The following MECOM variants were observed in gnomAD, a reference collection of about 807,000 sequenced individuals.
MECOM encodes the protein MDS1 and EVI1 complex locus.
In MECOM, 13 loss-of-function variants were observed where a neutral mutation model predicts 116.3. The observed-to-expected ratio is 0.11, with a 90% confidence interval of 0.07 to 0.18. MECOM has a LOEUF of 0.18. MECOM is among the 10% of genes least tolerant of loss of function. The probability of loss-of-function intolerance (pLI) is 1.00; values close to 1 mark genes in which losing one functional copy is unlikely to be tolerated. For synonymous variants in MECOM, 528 were observed against 535.2 expected (o/e 0.99, Z 0.19); for missense variants, 1,299 against 1,509.0 (o/e 0.86, Z 2.31).
chr3:169,197,871 G>T (rs909980709), intron 2 of MECOM, among the ~76,000 whole-genome samples: 1 of 151,936 alleles, frequency 6.6e-6, no homozygotes, highest in Admixed American at 6.6e-5. Context: ...ACTGACAGGC[G>T]TTTGATTTAT....
chr3:169,633,392 C>A (rs1250075424), intron 1 of MECOM, among the ~76,000 whole-genome samples: 1 of 152,188 alleles, frequency 6.6e-6, no homozygotes, highest in African/African-American at 2.4e-5. Flanking sequence ...CATACTTACA[C>A]ATCTTAGCAG....
At chr3:169,380,136 A>G (rs1370979533) in intron 2 of MECOM, among the ~76,000 whole-genome samples, 2 of 152,174 alleles carry the variant, frequency 1.3e-5, no homozygotes, top group Non-Finnish European at 2.9e-5. Flanking sequence ...GGCACTGAAT[A>G]TTCATTTCTA....
chr3:169,514,784 C>T (rs1465286590), intron 1 of MECOM, among the ~76,000 whole-genome samples: 1 of 152,120 alleles, frequency 6.6e-6, no homozygotes, highest in Admixed American at 6.5e-5. Context: ...TTCAAGGGTC[C>T]AAATATTGTC....
rs538891895 is a variant in MECOM, at chr3:169,161,565, T to C, written c.376-17733A>G. 9.9e-5 allele frequency among the ~76,000 whole-genome samples: 15 copies of C among 152,284 alleles called. No homozygotes were observed. The South Asian group carries it at 3.1e-3, about 32-fold the overall frequency. Reference sequence around the variant, plus strand: ...TCCTCTCCATGTTCCAGGTACCACGTTGATGGTAAAGAGAGAAGATAAATA... The same window carrying C: ...TCCTCTCCATGTTCCAGGTACCACGCTGATGGTAAAGAGAGAAGATAAATA... On this transcript the variant is annotated intron_variant, in intron 2 of 16. Transcript: ENST00000651503.
chr3:169,574,650 A>T (rs1341968549), intron 1 of MECOM, among the ~76,000 whole-genome samples: 1 of 152,230 alleles, frequency 6.6e-6, no homozygotes, highest in Non-Finnish European at 1.5e-5. Context: ...CCTATTGAAC[A>T]GAGGCAGTAC....
chr3:169,133,960 A>G (rs1377969096), intron 3 of MECOM: 1 of 1,289,364 alleles, frequency 7.8e-7, no homozygotes, highest in East Asian at 5.5e-5. Flanking sequence ...CTTCCTTTCC[A>G]ACAACATGTT....
chr3:169,411,710 A>G (rs988523983), intron 1 of MECOM, among the ~76,000 whole-genome samples: 1 of 152,200 alleles, frequency 6.6e-6, no homozygotes, highest in African/African-American at 2.4e-5. Flanking sequence ...AGAATTTCTG[A>G]CTGGGCGCAG....
chr3:169,475,596 G>A (rs9828245), intron 1 of MECOM, among the ~76,000 whole-genome samples: 4 of 149,964 alleles, frequency 2.7e-5, no homozygotes, highest in Admixed American at 6.6e-5. Flanking sequence ...TTTTTTTTCC[G>A]AATCTAATAG....
chr3:169,282,818 A>G (rs1047237716), intron 2 of MECOM, among the ~76,000 whole-genome samples: 4 of 151,806 alleles, frequency 2.6e-5, no homozygotes, highest in African/African-American at 9.7e-5. Context: ...AATATATAAT[A>G]TGATATAATA....
At chr3:169,322,710 A>G (rs1224672937) in intron 2 of MECOM, among the ~76,000 whole-genome samples, 1 of 152,168 alleles carries the variant, frequency 6.6e-6, no homozygotes, top group Admixed American at 6.5e-5. Flanking sequence ...TGAGAAGCTC[A>G]TAAAAGGCCG....
At chr3:169,088,252 G>A (rs181865921) in intron 16 of MECOM, among the ~76,000 whole-genome samples, 191 of 152,198 alleles carry the variant, frequency 1.3e-3, no homozygotes, top group African/African-American at 4.2e-3. Flanking sequence ...TGAACAATCC[G>A]GTTGAGTGTG....
At chr3:169,547,512 TG>T (rs1423082370) in intron 1 of MECOM, among the ~76,000 whole-genome samples, 1 of 152,172 alleles carries the variant, frequency 6.6e-6, no homozygotes, top group Admixed American at 6.5e-5. Flanking sequence ...CAAACTAATC[TG>T]GGTTCATACT....
chr3:169,489,540 G>T (rs1752826870), intron 1 of MECOM, among the ~76,000 whole-genome samples: 1 of 152,138 alleles, frequency 6.6e-6, no homozygotes, highest in Non-Finnish European at 1.5e-5. Context: ...TCAGGATAAA[G>T]AAATGGACCA....
At position 169,533,576 on chromosome 3, in the gene MECOM, A is replaced by ATT. The variant is rs57279349; in HGVS notation, c.37+129758_37+129759dup. On this transcript the variant is annotated intron_variant, in intron 1 of 16. Transcript: ENST00000651503. ...TCCTCTTATCAATGACCCAGTGCTGATTTTTTTTTTTTTTTATTTCCTTAT... is the reference window on the plus strand; with the variant it reads ...TCCTCTTATCAATGACCCAGTGCTGATTTTTTTTTTTTTTTTTATTTCCTTAT... Among the ~76,000 whole-genome samples, 43 of 85,104 alleles carry ATT rather than the reference A, an allele frequency of 5.1e-4. No homozygotes were observed. In the South Asian group the frequency reaches 0.011, roughly 22 times the overall value. The allele number at this position is 85,104 out of a possible 152,430, so 55.8% of individuals were successfully genotyped here. A position where few individuals can be genotyped will look rare whatever the true frequency, so the allele number is the denominator to read the frequency against.
intron 1 of MECOM, among the ~76,000 whole-genome samples, chr3:169,397,795 C>T (rs1735246116): frequency 6.6e-6 from 1 of 152,168 alleles, no homozygotes; most frequent in Admixed American, 6.5e-5. Context: ...GAAAGGATTC[C>T]TCTGTGGGTA....
At chr3:169,415,589 T>C (rs1738426362) in intron 1 of MECOM, among the ~76,000 whole-genome samples, 1 of 151,802 alleles carries the variant, frequency 6.6e-6, no homozygotes, top group Non-Finnish European at 1.5e-5. Flanking sequence ...GACAGGCAAA[T>C]TGGATCAAGA....
At chr3:169,510,264 C>A (rs754939122) in intron 1 of MECOM, among the ~76,000 whole-genome samples, 1 of 152,098 alleles carries the variant, frequency 6.6e-6, no homozygotes, top group Non-Finnish European at 1.5e-5. Flanking sequence ...GAGGGAGTGT[C>A]CCCCCACCCC....
intron 1 of MECOM, among the ~76,000 whole-genome samples, chr3:169,514,643 T>A (rs1014521123): frequency 1.3e-5 from 2 of 152,196 alleles, no homozygotes; most frequent in African/African-American, 4.8e-5. Context: ...TAGATTTGAT[T>A]GTAAAAATGT....
chr3:169,128,842 G>A (rs1733746487), intron 4 of MECOM, among the ~76,000 whole-genome samples: 1 of 152,182 alleles, frequency 6.6e-6, no homozygotes, highest in African/African-American at 2.4e-5. Context: ...GTTATAAAAT[G>A]TCAGGTAGTG....
Sources: gnomAD v4.1 joint callset for allele counts (sites outside exome capture counted in the v4.1 genomes callset) on GRCh38, gnomAD v4.1.1 for gene constraint, MANE v1.5 for transcripts, NCBI Gene and HGNC (gene_info 2026-07-23, HGNC 2026-07-21) for gene names.